The following BLVRB variants were observed in gnomAD, a reference collection of about 807,000 sequenced individuals.
BLVRB encodes the protein biliverdin reductase B.
BLVRB carries 25 observed loss-of-function variants against 21.1 expected under a neutral mutation model. The ratio of observed to expected loss-of-function variants is 1.19; its 90% confidence interval spans 0.86 to 1.66. The LOEUF is 1.66. Ranked by LOEUF, BLVRB falls within the 40% of genes most tolerant of loss-of-function variation. The probability of loss-of-function intolerance (pLI) is 0.00; values close to 1 mark genes in which losing one functional copy is unlikely to be tolerated. For synonymous variants in BLVRB, 128 were observed against 122.2 expected, an observed-to-expected ratio of 1.05 and a Z score of -0.31; for missense variants, 274 against 282.7, an observed-to-expected ratio of 0.97 and a Z score of 0.22.
intron 3 of BLVRB, among the ~76,000 whole-genome samples, chr19:40,455,260 T>C (rs2079757710): frequency 6.6e-6 from 1 of 152,242 alleles, no homozygotes; most frequent in African/African-American, 2.4e-5. Flanking sequence ...TCTAATCTTT[T>C]ACCTTGACAT....
intron 1 of BLVRB, among the ~76,000 whole-genome samples, chr19:40,460,698 C>T (rs1003203373): frequency 4.1e-4 from 62 of 152,152 alleles, no homozygotes; most frequent in African/African-American, 1.4e-3. Flanking sequence ...TGGTGCTGGG[C>T]GCGATGGCTC....
intron 4 of BLVRB, among the ~76,000 whole-genome samples, chr19:40,450,070 C>A (rs922418978): frequency 6.6e-6 from 1 of 151,024 alleles, no homozygotes; most frequent in African/African-American, 2.4e-5. Flanking sequence ...TGGTGGCACG[C>A]GCCTGTAGTC....
intron 1 of BLVRB, among the ~76,000 whole-genome samples, chr19:40,460,275 T>TATATATATATATACATATA (rs1555806375): frequency 4.5e-5 from 6 of 134,424 alleles, no homozygotes; most frequent in African/African-American, 1.7e-4. Context: ...TATATATATA[T>TATATATATATATACATATA]TTAGAGACAG....
At chr19:40,459,315 G>A (rs867303900) in intron 1 of BLVRB, among the ~76,000 whole-genome samples, 1 of 83,340 alleles carries the variant, frequency 1.2e-5, no homozygotes, top group African/African-American at 4.8e-5. Context: ...ATGACAAAGC[G>A]AGACTCTATC....
At chr19:40,453,094 G>A (rs2079747744) in intron 3 of BLVRB, among the ~76,000 whole-genome samples, 1 of 151,846 alleles carries the variant, frequency 6.6e-6, no homozygotes. Context: ...TTTTTTTGTA[G>A]CGATGGAGGT....
chr19:40,458,836 G>A (rs1197222983), intron 1 of BLVRB, among the ~76,000 whole-genome samples: 1 of 151,908 alleles, frequency 6.6e-6, no homozygotes, highest in Non-Finnish European at 1.5e-5. Flanking sequence ...TGGGACCACA[G>A]TGTGCACCAC....
chr19:40,457,922 T>C (rs1476566906), intron 3 of BLVRB: 1 of 506,508 alleles, frequency 2.0e-6, no homozygotes, highest in Non-Finnish European at 3.6e-6. Context: ...GGATGTCAGT[T>C]TGATCATGGA....
intron 4 of BLVRB, among the ~76,000 whole-genome samples, chr19:40,448,520 A>G (rs975818805): frequency 6.6e-6 from 1 of 151,250 alleles, no homozygotes; most frequent in Non-Finnish European, 1.5e-5. Context: ...GAGCCAGGGA[A>G]GTTGAAGCTA....
chr19:40,456,002 A>C (rs2079760757), intron 3 of BLVRB, among the ~76,000 whole-genome samples: 1 of 151,966 alleles, frequency 6.6e-6, no homozygotes, highest in Non-Finnish European at 1.5e-5. Context: ...TAAATAAATA[A>C]ATAGATAGAT....
chr19:40,458,173 C>A lies in BLVRB; in HGVS notation c.316G>T (p.Val106Phe). The A allele has an allele frequency of 6.2e-7, 1 of 1,614,048 alleles. No individual in the cohort carries two copies. Among genetic ancestry groups the A allele is most frequent in the Non-Finnish European group, 8.5e-7 (1 of 1,179,984 alleles). Residue 106 changes from valine to phenylalanine, a missense_variant, in exon 3 of 5, where the codon GTC becomes TTC. Coordinates refer to ENST00000263368, the MANE Select transcript of BLVRB (RefSeq NM_000713.3). ...AAMKAHGVDK[V>F]VACTSAFLLW... ...CACCCACCCGAGGTGCAGGCCACGA[C>A]CTTGTCCACACCATGAGCCTTCATG...
intron 1 of BLVRB, among the ~76,000 whole-genome samples, chr19:40,460,505 C>T (rs2079782587): frequency 6.6e-6 from 1 of 151,152 alleles, no homozygotes; most frequent in Admixed American, 6.6e-5. Flanking sequence ...GCTGGCGCAA[C>T]CTGTAGTCTC....
chr19:40,460,975 A>G (rs1029382367), intron 1 of BLVRB, among the ~76,000 whole-genome samples: 8 of 134,444 alleles, frequency 6.0e-5, no homozygotes, highest in Admixed American at 3.5e-4. Flanking sequence ...TCCGTCTCAA[A>G]CAAAACAAAA....
At chr19:40,464,581 ACTT>A (rs2079802544) in intron 1 of BLVRB, among the ~76,000 whole-genome samples, 1 of 152,064 alleles carries the variant, frequency 6.6e-6, no homozygotes. Context: ...GCGCCTCTCA[ACTT>A]CTCTCTCTTA....
At chr19:40,463,337 G>T (rs1014004004) in intron 1 of BLVRB, among the ~76,000 whole-genome samples, 2 of 152,136 alleles carry the variant, frequency 1.3e-5, no homozygotes, top group African/African-American at 4.8e-5. Context: ...AGAGCCCTAG[G>T]GCAAGTACTA....
intron 3 of BLVRB, among the ~76,000 whole-genome samples, chr19:40,456,061 C>T (rs908557041): frequency 4.6e-5 from 7 of 152,146 alleles, no homozygotes; most frequent in East Asian, 3.9e-4. Context: ...GTTGTTCACA[C>T]GACTATTAAC....
At position 40,458,547 on chromosome 19, in the gene BLVRB, T is replaced by C; in HGVS notation, c.80-2A>G. ...GCACCAGCACTGTCACTTCGTAACC[T>C]GTGGGCAAAGAGGAGCAGAGAGCCT... On this transcript the variant is annotated splice_acceptor_variant, in intron 1 of 4. Transcript: ENST00000263368. LOFTEE classifies it high-confidence loss of function. 3 of 1,598,920 alleles carry C rather than the reference T, an allele frequency of 1.9e-6. No homozygotes were observed. The Admixed American group carries it at 5.1e-5, about 27-fold the overall frequency.
intron 1 of BLVRB, among the ~76,000 whole-genome samples, chr19:40,459,351 A>AAAAAAAAAAAAAAAAAAAAAAAC (rs2079776774): frequency 7.6e-6 from 1 of 131,486 alleles, no homozygotes; most frequent in Non-Finnish European, 1.7e-5. Flanking sequence ...AAAAAAAAAA[A>AAAAAAAAAAAAAAAAAAAAAAAC]AAAAAAAAAA....
intron 4 of BLVRB, among the ~76,000 whole-genome samples, chr19:40,448,619 ATAT>A (rs1568735652): frequency 3.7e-5 from 2 of 54,630 alleles, no homozygotes; most frequent in South Asian, 4.1e-4. Flanking sequence ...ATATATATAT[ATAT>A]ATATATATAT....
intron 3 of BLVRB, among the ~76,000 whole-genome samples, chr19:40,453,424 C>T (rs1315689998): frequency 6.6e-6 from 1 of 152,200 alleles, no homozygotes; most frequent in Non-Finnish European, 1.5e-5. Context: ...GACTCTATCA[C>T]ATTTCCTGCT....
Sources: gnomAD v4.1 joint callset for allele counts (sites outside exome capture counted in the v4.1 genomes callset) on GRCh38, gnomAD v4.1.1 for gene constraint, MANE v1.5 for transcripts, NCBI Gene and HGNC (gene_info 2026-07-23, HGNC 2026-07-21) for gene names.